Variants in CAMKK2 observed in about 807,000 individuals in gnomAD.
CAMKK2 encodes calcium/calmodulin dependent protein kinase kinase 2.
A neutral mutation model predicts 67.2 loss-of-function variants in CAMKK2; 30 were observed. The observed-to-expected ratio is 0.45, with a 90% CI of 0.33 to 0.61. The LOEUF is 0.61. CAMKK2 is among the 20% of genes least tolerant of loss of function. CAMKK2 has a pLI of 0.02. For missense variants in CAMKK2, 643 were observed against 802.0 expected, an observed-to-expected ratio of 0.80 and a Z score of 2.39; for synonymous variants, 322 against 326.2, an observed-to-expected ratio of 0.99 and a Z score of 0.14.
At chr12:121,292,444 A>G (rs35583078) in intron 1 of CAMKK2, among the ~76,000 whole-genome samples, 6,295 of 152,212 alleles carry the variant, frequency 0.041, 164 homozygotes, top group Middle Eastern at 0.095. Context: ...CAATTTTTTT[A>G]AAAAGAAGCC....
intron 2 of CAMKK2, among the ~76,000 whole-genome samples, chr12:121,271,273 C>CA (rs11332649): frequency 1.4e-3 from 162 of 112,926 alleles, no homozygotes; most frequent in South Asian, 8.2e-3. Flanking sequence ...AACTGTGTCT[C>CA]AAAAAAAAAA....
Position 121,240,279 on chromosome 12 carries a change from G to A in CAMKK2, c.*420C>T. 1 of 690,624 alleles carries A rather than the reference G, an allele frequency of 1.4e-6. No individual in the cohort carries two copies. The highest frequency in any genetic ancestry group is 2.4e-6 in the Non-Finnish European group (1 of 418,442). 42.8% of individuals were successfully genotyped at this position (690,624 alleles called of 1,614,324 possible). On this transcript the variant is annotated 3_prime_UTR_variant, in exon 17 of 17. Coordinates refer to ENST00000404169, the MANE Select transcript of CAMKK2 (RefSeq NM_001270485.2). This position sits in a 1 kb window ranked among gnomAD's most constrained non-coding sequence, Gnocchi z 4.4. ...TCTAGCCCCCTACTCCCTCTCAAAT[G>A]CAGCAACCACCTCCATGGCCTCAGA...
chr12:121,257,319 T>G (rs995000645), intron 7 of CAMKK2, among the ~76,000 whole-genome samples: 2 of 151,738 alleles, frequency 1.3e-5, no homozygotes, highest in Non-Finnish European at 2.9e-5. Context: ...CGATCTTGGC[T>G]CACTGCAACC....
chr12:121,262,230 C>T (rs142913055), intron 6 of CAMKK2, among the ~76,000 whole-genome samples: 150 of 152,234 alleles, frequency 9.9e-4, no homozygotes, highest in African/African-American at 3.5e-3. Flanking sequence ...ATGTATTACT[C>T]GGCCGGGTGC....
upstream of CAMKK2, chr12:121,297,282 C>T (rs764283687): frequency 3.0e-4 from 73 of 245,134 alleles, no homozygotes; most frequent in Non-Finnish European, 5.5e-4. Flanking sequence ...GCTGCTGCCC[C>T]TGCGCTAGGC....
chr12:121,254,043 C>T (rs926959218), intron 9 of CAMKK2, among the ~76,000 whole-genome samples: 1 of 152,098 alleles, frequency 6.6e-6, no homozygotes, highest in Non-Finnish European at 1.5e-5. Flanking sequence ...ATGATGAAGA[C>T]GATTTCAGTG....
At position 121,296,566 on chromosome 12, in the gene CAMKK2, G is replaced by A. The variant is rs1428427051; in HGVS notation, c.-60+72C>T. On this transcript the variant is annotated intron_variant, in intron 1 of 16. Coordinates refer to ENST00000404169, the MANE Select transcript of CAMKK2 (RefSeq NM_001270485.2). This position sits in a 1 kb window ranked among gnomAD's most constrained non-coding sequence, Gnocchi z 7.1. ...CCGGCGGCGGTCCCCCGCCTCGAGAGGGAAACGGAGCGGGCGCCCGGGGCC... is the reference window on the plus strand; with the variant it reads ...CCGGCGGCGGTCCCCCGCCTCGAGAAGGAAACGGAGCGGGCGCCCGGGGCC... 1 of 151,966 alleles carries A rather than the reference G, an allele frequency of 6.6e-6. No homozygotes were observed. Among genetic ancestry groups the A allele is most frequent in the Admixed American group, 6.6e-5 (1 of 15,262 alleles). The allele number at this position is 151,966 out of a possible 1,614,324, so 9.4% of individuals were successfully genotyped here.
upstream of CAMKK2, chr12:121,297,783 T>A (rs543766993): frequency 1.1e-5 from 5 of 474,516 alleles, no homozygotes; most frequent in Non-Finnish European, 1.7e-5. Flanking sequence ...CCCGTTCCGA[T>A]GTGCTTCTCT....
At chr12:121,243,070 G>A (rs561404694) in intron 16 of CAMKK2, among the ~76,000 whole-genome samples, 28 of 147,266 alleles carry the variant, frequency 1.9e-4, no homozygotes, top group Non-Finnish European at 3.6e-4. Context: ...TTTTGCTCTT[G>A]TTGCCCAGGC....
chr12:121,279,932 C>T (rs186169789), intron 1 of CAMKK2, among the ~76,000 whole-genome samples: 69 of 152,386 alleles, frequency 4.5e-4, no homozygotes, highest in Admixed American at 3.3e-4. Flanking sequence ...CGCTACCTCC[C>T]GCGCAGCAAG....
At chr12:121,254,412 C>T (rs940344303) in intron 9 of CAMKK2, among the ~76,000 whole-genome samples, 1 of 151,958 alleles carries the variant, frequency 6.6e-6, no homozygotes, top group African/African-American at 2.4e-5. Context: ...GACCTGAGAT[C>T]GCGCCACTGC....
At chr12:121,264,544 A>G (rs4474520) in intron 5 of CAMKK2, among the ~76,000 whole-genome samples, 88,678 of 151,474 alleles carry the variant, frequency 0.59, 28,698 homozygotes, top group African/African-American at 0.88. Flanking sequence ...GGAGGCCGAG[A>G]CGGGTGGATC....
At chr12:121,288,990 G>A (rs997751007) in intron 1 of CAMKK2, among the ~76,000 whole-genome samples, 6 of 151,994 alleles carry the variant, frequency 3.9e-5, no homozygotes, top group African/African-American at 9.7e-5. Context: ...AAGGCTCTGA[G>A]ACCACTCACC....
intron 14 of CAMKK2, 58 bp downstream of exon 14, chr12:121,248,548 C>T (rs1284020604): frequency 6.2e-7 from 1 of 1,608,846 alleles, no homozygotes; most frequent in Non-Finnish European, 8.5e-7. Flanking sequence ...CTGTCCTGGC[C>T]AGGCCCCACC....
At chr12:121,273,887 G>T (rs1896251107) in intron 2 of CAMKK2, among the ~76,000 whole-genome samples, 169 bp downstream of exon 2, 1 of 151,932 alleles carries the variant, frequency 6.6e-6, no homozygotes, top group African/African-American at 2.4e-5. Flanking sequence ...GACCCCCCTA[G>T]GGCCCCTTTT....
intron 1 of CAMKK2, among the ~76,000 whole-genome samples, chr12:121,278,679 T>A (rs1419225585): frequency 6.6e-6 from 1 of 152,200 alleles, no homozygotes; most frequent in Admixed American, 6.5e-5. Context: ...CCGGACTTGC[T>A]CCTCCTTGAC....
chr12:121,276,426 C>T (rs1179192774), intron 1 of CAMKK2, among the ~76,000 whole-genome samples: 2 of 152,160 alleles, frequency 1.3e-5, no homozygotes, highest in Non-Finnish European at 2.9e-5. Flanking sequence ...GAGCCGAGAT[C>T]GCACCACTGC....
At chr12:121,246,304 G>C (rs1393013552) in intron 14 of CAMKK2, among the ~76,000 whole-genome samples, 5 of 151,920 alleles carry the variant, frequency 3.3e-5, no homozygotes, top group Non-Finnish European at 1.5e-5. Flanking sequence ...CCAGCACTTT[G>C]GGAGGCTGAG....
At chr12:121,246,511 A>G (rs1486389271) in intron 14 of CAMKK2, among the ~76,000 whole-genome samples, 1 of 151,816 alleles carries the variant, frequency 6.6e-6, no homozygotes, top group Non-Finnish European at 1.5e-5. Context: ...ACACCACTGC[A>G]CTCCAGCCTG....
Sources: gnomAD v4.1 joint callset for allele counts (sites outside exome capture counted in the v4.1 genomes callset) on GRCh38, gnomAD v4.1.1 for gene constraint, Gnocchi (gnomAD v3.1) non-coding constraint, MANE v1.5 for transcripts, NCBI Gene and HGNC (gene_info 2026-07-23, HGNC 2026-07-21) for gene names.